CSMD3: variants seen among roughly 807,000 people sequenced by gnomAD.
The protein encoded by CSMD3 is CUB and Sushi multiple domains 3.
A neutral mutation model predicts 435.2 loss-of-function variants in CSMD3; 177 were observed. The observed-to-expected ratio is 0.41, with a 90% confidence interval of 0.36 to 0.46. The LOEUF (loss-of-function observed/expected upper bound fraction) is 0.46. CSMD3 is among the 20% of genes least tolerant of loss of function. CSMD3 has a pLI of 0.34. For synonymous variants in CSMD3, 1,656 were observed against 1,520.5 expected (o/e 1.09, Z -2.07); for missense variants, 4,265 against 4,504.6 (o/e 0.95, Z 1.52).
At chr8:113,153,140 AAG>A (rs1321208731) in intron 4 of CSMD3, among the ~76,000 whole-genome samples, 2 of 138,008 alleles carry the variant, frequency 1.4e-5, no homozygotes, top group South Asian at 2.6e-4. Context: ...AGAAGGAAGG[AAG>A]GAAGGAAGGA....
At chr8:112,811,140 A>G (rs1355172370) in intron 12 of CSMD3, among the ~76,000 whole-genome samples, 6 of 144,404 alleles carry the variant, frequency 4.2e-5, no homozygotes, top group Non-Finnish European at 9.0e-5. Flanking sequence ...GATTTGCTAT[A>G]TATTTTGATA....
intron 5 of CSMD3, among the ~76,000 whole-genome samples, chr8:113,097,577 G>A (rs751754164): frequency 6.6e-6 from 1 of 151,586 alleles, no homozygotes; most frequent in African/African-American, 2.4e-5. Flanking sequence ...GTTGCCTATT[G>A]GTTCACTTAC....
At chr8:112,820,060 T>C (rs1367694126) in intron 12 of CSMD3, among the ~76,000 whole-genome samples, 1 of 152,138 alleles carries the variant, frequency 6.6e-6, no homozygotes, top group Non-Finnish European at 1.5e-5. Flanking sequence ...CCAATCCCTC[T>C]AGCCTCATCT....
At chr8:113,364,191 A>G (rs1449388702) in intron 1 of CSMD3, among the ~76,000 whole-genome samples, 1 of 152,100 alleles carries the variant, frequency 6.6e-6, no homozygotes, top group Non-Finnish European at 1.5e-5. Context: ...TTGGCTTTTA[A>G]AAAGAGCTGT....
intron 1 of CSMD3, among the ~76,000 whole-genome samples, chr8:113,336,225 C>T (rs1451400878): frequency 1.3e-5 from 2 of 151,542 alleles, no homozygotes; most frequent in Non-Finnish European, 2.9e-5. Context: ...GCTTTTCATA[C>T]TACTTATTAT....
intron 4 of CSMD3, among the ~76,000 whole-genome samples, chr8:113,154,198 A>C (rs990954969): frequency 6.6e-6 from 1 of 152,078 alleles, no homozygotes; most frequent in Non-Finnish European, 1.5e-5. Flanking sequence ...CTACAAAACC[A>C]AATACTTACA....
chr8:112,742,813 A>G (rs2077342027), intron 13 of CSMD3, among the ~76,000 whole-genome samples: 1 of 152,006 alleles, frequency 6.6e-6, no homozygotes, highest in Non-Finnish European at 1.5e-5. Context: ...GAAATGAAGA[A>G]GACTGACTAC....
At chr8:112,969,129 T>A (rs2084540179) in intron 7 of CSMD3, among the ~76,000 whole-genome samples, 1 of 151,994 alleles carries the variant, frequency 6.6e-6, no homozygotes, top group Non-Finnish European at 1.5e-5. Flanking sequence ...TTGAATCAAA[T>A]TTGTGACATA....
intron 32 of CSMD3, among the ~76,000 whole-genome samples, chr8:112,426,896 G>A (rs951206817): frequency 3.3e-5 from 5 of 152,124 alleles, no homozygotes; most frequent in Non-Finnish European, 7.4e-5. Context: ...CTCTTTTCAG[G>A]TAATCGTGAT....
chr8:112,696,183 C>T (rs2076250805), intron 13 of CSMD3, among the ~76,000 whole-genome samples: 1 of 152,166 alleles, frequency 6.6e-6, no homozygotes, highest in East Asian at 1.9e-4. Flanking sequence ...CCATCCTCAT[C>T]AAGCTACCAA....
intron 37 of CSMD3, among the ~76,000 whole-genome samples, chr8:112,382,854 A>T (rs2131250354): frequency 6.6e-6 from 1 of 152,148 alleles, no homozygotes; most frequent in African/African-American, 2.4e-5. Flanking sequence ...AGCTGGGCGT[A>T]GTGACGCATG....
chr8:113,346,177 T>C (rs2094150023), intron 1 of CSMD3, among the ~76,000 whole-genome samples: 1 of 152,004 alleles, frequency 6.6e-6, no homozygotes, highest in South Asian at 2.1e-4. Flanking sequence ...AGGAGGACGT[T>C]TTCTTACTTT....
chr8:112,482,250 C>T (rs1278253614), intron 31 of CSMD3, among the ~76,000 whole-genome samples: 2 of 152,180 alleles, frequency 1.3e-5, no homozygotes, highest in Non-Finnish European at 2.9e-5. Flanking sequence ...GTCCTATGAA[C>T]AGCTATATCC....
At chr8:112,971,560 C>T (rs2084659538) in intron 7 of CSMD3, among the ~76,000 whole-genome samples, 1 of 152,126 alleles carries the variant, frequency 6.6e-6, no homozygotes, top group Non-Finnish European at 1.5e-5. Flanking sequence ...ACTACAAAAA[C>T]TACTTTGCAA....
At chr8:113,269,149 G>C (rs1444274306) in intron 3 of CSMD3, among the ~76,000 whole-genome samples, 1 of 151,678 alleles carries the variant, frequency 6.6e-6, no homozygotes, top group Non-Finnish European at 1.5e-5. Context: ...AAAATTTTTA[G>C]CACCTGTTAT....
At chr8:112,465,200 TG>T (rs1318864824) in intron 32 of CSMD3, among the ~76,000 whole-genome samples, 5 of 152,156 alleles carry the variant, frequency 3.3e-5, no homozygotes, top group African/African-American at 7.2e-5. Flanking sequence ...AAAAAATTAA[TG>T]CCCCCTCGTG....
Position 112,283,333 on chromosome 8 carries a change from C to T in CSMD3, c.9332-1983G>A, listed in dbSNP as rs549351524. On this transcript the variant is annotated intron_variant, in intron 58 of 70. Coordinates refer to ENST00000297405, the MANE Select transcript of CSMD3 (RefSeq NM_198123.2). ...CTTTCTTTTGTTGCTAGAGAGAACT[C>T]TTATTTTAAAAATCATGGTACCATT... is the stretch of plus-strand genomic sequence containing the variant. Among the ~76,000 whole-genome samples the T allele has an allele frequency of 2.6e-5, 4 of 151,652 alleles. No individual in the cohort carries two copies. The South Asian group carries it at 8.3e-4, about 32-fold the overall frequency.
chr8:112,286,974 A>G (rs1159459310), intron 58 of CSMD3, 90 bp downstream of exon 58: 6 of 1,012,728 alleles, frequency 5.9e-6, no homozygotes, highest in Non-Finnish European at 9.4e-6. Flanking sequence ...ATAAACTAGT[A>G]AGAGTAATTT....
At position 112,976,107 on chromosome 8, in the gene CSMD3, C is replaced by G. The variant is rs753743653; in HGVS notation, c.1072G>C (p.Glu358Gln). ...CCAGTGGTAGTCCTGTTATGCTCCT[C>G]TAACTCACCAGTGGAGGTAGTGTGG... is the stretch of plus-strand genomic sequence containing the variant. ...LTHTTSTGEL[E>Q]EHNRTTTGAI... The change falls in exon 7 of 71, where the codon GAG (glutamate) becomes CAG (glutamine). Residue 358 changes from glutamate to glutamine, a missense_variant. Coordinates refer to ENST00000297405, the MANE Select transcript of CSMD3 (RefSeq NM_198123.2). 20 of 1,613,920 alleles carry G rather than the reference C, an allele frequency of 1.2e-5. No individual in the cohort carries two copies. The highest frequency in any genetic ancestry group is 6.7e-5 in the Admixed American group (4 of 59,984).
Sources: allele counts gnomAD v4.1 joint callset (sites outside exome capture counted in the v4.1 genomes callset), GRCh38; gene constraint gnomAD v4.1.1; transcripts MANE v1.5; gene names NCBI Gene and HGNC (gene_info 2026-07-23, HGNC 2026-07-21).